The following SCHIP1 variants were observed in gnomAD, a reference collection of about 807,000 sequenced individuals.
SCHIP1 encodes the protein schwannomin-interacting protein 1.
In SCHIP1, 8 loss-of-function variants were observed where a neutral mutation model predicts 29.7. The ratio of observed to expected loss-of-function variants is 0.27; its 90% CI spans 0.16 to 0.49. The LOEUF is 0.49. SCHIP1 is among the 20% of genes least tolerant of loss of function. The pLI is 0.99. For missense variants in SCHIP1, 193 were observed against 294.6 expected, an observed-to-expected ratio of 0.66 and a Z score of 2.52; for synonymous variants, 76 against 94.9, an observed-to-expected ratio of 0.80 and a Z score of 1.16.
chr3:159,697,882 C>T, the SCHIP1 span, among the ~76,000 whole-genome samples: 1 of 152,204 alleles, frequency 6.6e-6, no homozygotes, highest in Non-Finnish European at 1.5e-5. Context: ...ATTTTATCAT[C>T]ATTTGTACAG....
the SCHIP1 span, among the ~76,000 whole-genome samples, chr3:159,306,203 A>G: frequency 0.64 from 62,180 of 97,358 alleles, 20,264 homozygotes; most frequent in Middle Eastern, 0.7. Flanking sequence ...ACAGTCAGTG[A>G]TATGATGATG....
intron 2 of SCHIP1, among the ~76,000 whole-genome samples, chr3:159,871,904 T>C (rs1361918005): frequency 6.6e-6 from 1 of 152,244 alleles, no homozygotes; most frequent in African/African-American, 2.4e-5. Flanking sequence ...GAGGGTCCTT[T>C]CAGGTGTTAA....
the SCHIP1 span, among the ~76,000 whole-genome samples, chr3:159,294,692 A>G: frequency 6.6e-6 from 1 of 152,346 alleles, no homozygotes; most frequent in East Asian, 1.9e-4. Flanking sequence ...GTCTCCATAT[A>G]GAATCAAGAT....
At chr3:159,794,146 T>C in the SCHIP1 span, among the ~76,000 whole-genome samples, 2 of 152,236 alleles carry the variant, frequency 1.3e-5, no homozygotes, top group Non-Finnish European at 2.9e-5. Context: ...TGGGGGGTCA[T>C]TATTCTGCCT....
intron 1 of SCHIP1, among the ~76,000 whole-genome samples, chr3:159,854,320 C>G (rs945882874): frequency 6.6e-6 from 1 of 152,106 alleles, no homozygotes. Context: ...AAGCTTCTGT[C>G]GTGATAGATC....
the SCHIP1 span, among the ~76,000 whole-genome samples, chr3:159,647,059 G>A: frequency 5.1e-3 from 783 of 152,086 alleles, 11 homozygotes; most frequent in African/African-American, 0.018. Context: ...TAAGGTAACC[G>A]AAATGGAATA....
the SCHIP1 span, among the ~76,000 whole-genome samples, chr3:159,772,825 C>T: frequency 1.3e-5 from 2 of 152,306 alleles, no homozygotes; most frequent in African/African-American, 2.4e-5. Context: ...ACTGCAAACT[C>T]CGCCTCCCGG....
chr3:159,336,372 G>A, the SCHIP1 span, among the ~76,000 whole-genome samples: 1 of 152,054 alleles, frequency 6.6e-6, no homozygotes, highest in South Asian at 2.1e-4. Flanking sequence ...GTAAATTTTG[G>A]CTTTTGTTGC....
At chr3:159,298,873 T>G in the SCHIP1 span, among the ~76,000 whole-genome samples, 1 of 152,376 alleles carries the variant, frequency 6.6e-6, no homozygotes, top group South Asian at 2.1e-4. Flanking sequence ...TTAAGCTAGA[T>G]GGACATTTTG....
the SCHIP1 span, among the ~76,000 whole-genome samples, chr3:159,729,169 A>G: frequency 6.6e-6 from 1 of 152,080 alleles, no homozygotes; most frequent in Non-Finnish European, 1.5e-5. Flanking sequence ...GAAAAGAAAA[A>G]AAGAAAAGAA....
intron 2 of SCHIP1, among the ~76,000 whole-genome samples, chr3:159,884,158 G>T (rs1560096002): frequency 6.6e-6 from 1 of 152,048 alleles, no homozygotes; most frequent in African/African-American, 2.4e-5. Flanking sequence ...AAATGTGTCT[G>T]TTTTTAATTT....
the SCHIP1 span, among the ~76,000 whole-genome samples, chr3:159,734,491 G>A: frequency 6.6e-6 from 1 of 151,988 alleles, no homozygotes; most frequent in African/African-American, 2.4e-5. Context: ...CGAAAAAAAA[G>A]ATGTGTCTTC....
At chr3:159,774,895 A>C in the SCHIP1 span, among the ~76,000 whole-genome samples, 1 of 152,234 alleles carries the variant, frequency 6.6e-6, no homozygotes, top group Non-Finnish European at 1.5e-5. Context: ...ATGTATGTGT[A>C]ATCAAATAAC....
At chr3:159,836,312 C>T (rs574782271), upstream of SCHIP1, among the ~76,000 whole-genome samples, 2 of 152,310 alleles carry the variant, frequency 1.3e-5, no homozygotes, top group African/African-American at 4.8e-5. Context: ...ACTGTGTCTT[C>T]ACACAGCAGA....
chr3:159,709,176 A>T, the SCHIP1 span, among the ~76,000 whole-genome samples: 44 of 152,224 alleles, frequency 2.9e-4, no homozygotes, highest in Non-Finnish European at 5.9e-4. Context: ...TATACAAATG[A>T]AGAAAATATT....
At chr3:159,403,455 T>A in the SCHIP1 span, among the ~76,000 whole-genome samples, 6 of 152,348 alleles carry the variant, frequency 3.9e-5, no homozygotes, top group South Asian at 2.1e-4. Flanking sequence ...AGTGGCTGTA[T>A]GGCACAGAGA....
the SCHIP1 span, among the ~76,000 whole-genome samples, chr3:159,569,681 C>T: frequency 4.6e-5 from 7 of 152,086 alleles, no homozygotes; most frequent in African/African-American, 9.7e-5. Context: ...TGGGTATATA[C>T]CCAATAATTG....
At chr3:159,597,273 TATA>T in the SCHIP1 span, among the ~76,000 whole-genome samples, 1 of 152,196 alleles carries the variant, frequency 6.6e-6, no homozygotes, top group African/African-American at 2.4e-5. Flanking sequence ...GTAATGTATA[TATA>T]ATATGTAATG....
chr3:159,764,752 G>A, the SCHIP1 span: 1 of 1,572,654 alleles, frequency 6.4e-7, no homozygotes, highest in Non-Finnish European at 8.6e-7. This position sits in a 1 kb window ranked among gnomAD's most constrained non-coding sequence, Gnocchi z 6.1. Context: ...ACCGGGGGAC[G>A]TAAGCGCCAG....
Sources: allele counts gnomAD v4.1 joint callset (sites outside exome capture counted in the v4.1 genomes callset), GRCh38; gene constraint gnomAD v4.1.1; non-coding constraint Gnocchi (gnomAD v3.1); transcripts MANE v1.5; gene names NCBI Gene and HGNC (gene_info 2026-07-23, HGNC 2026-07-21).